Variants in USP35 observed in about 807,000 individuals in gnomAD.
USP35 encodes the protein ubiquitin carboxyl-terminal hydrolase 35.
In USP35, 69 loss-of-function variants were observed where a neutral mutation model predicts 83.8. That is an observed-to-expected ratio of 0.82 (90% CI 0.68 to 1.01). The LOEUF (loss-of-function observed/expected upper bound fraction) is 1.01, where lower values mean the gene tolerates loss of function less well. Ranked by LOEUF, USP35 falls within the 50% of genes least tolerant of loss-of-function variation. USP35 has a pLI of 0.00. For synonymous variants in USP35, 714 were observed against 589.5 expected, an observed-to-expected ratio of 1.21 and a Z score of -3.06; for missense variants, 1,503 against 1,362.5, an observed-to-expected ratio of 1.10 and a Z score of -1.62.
intron 10 of USP35, 49 bp downstream of exon 10, chr11:78,210,793 C>A (rs1863741090): frequency 6.1e-6 from 9 of 1,485,874 alleles, no homozygotes; most frequent in Non-Finnish European, 7.2e-6. Context: ...TGGAGGGAGT[C>A]CAGTCCCACT....
Position 78,207,724 on chromosome 11 carries a change from C to T in USP35, c.1485+101C>T, listed in dbSNP as rs1257095358. 3.5e-5 allele frequency: 42 copies of T among 1,207,660 alleles called. 1 individual carries two copies. Among genetic ancestry groups the T allele is most frequent in the Middle Eastern group, 2.7e-4 (1 of 3,676 alleles). The allele number at this position is 1,207,660 out of a possible 1,614,324, so 74.8% of individuals were successfully genotyped here. ...CCAGGACCTGCCTGCATCTGGCTGT[C>T]ATCTCCCATGTCAGTTGCTGAGCCC... On this transcript the variant is annotated intron_variant, in intron 8 of 10. Transcript: ENST00000529308.
At chr11:78,233,338 T>C in the USP35 span, among the ~76,000 whole-genome samples, 1 of 152,222 alleles carries the variant, frequency 6.6e-6, no homozygotes, top group African/African-American at 2.4e-5. Flanking sequence ...TCTGGCCTGT[T>C]AGCCATTTTT....
At position 78,200,722 on chromosome 11, in the gene USP35, G is replaced by A. The variant is rs1373170098; in HGVS notation, c.1111G>A (p.Glu371Lys). 11 of 1,614,038 alleles carry A rather than the reference G, an allele frequency of 6.8e-6. No homozygotes were observed. The highest frequency in any genetic ancestry group is 9.3e-6 in the Non-Finnish European group (11 of 1,180,022). ...CTCGAACTCGGGGACCAGCTGCCTG[G>A]AGCAGCTGGCGGAGCTGGTCCACTG... is the stretch of plus-strand genomic sequence containing the variant. The part of the protein sequence containing the change: ...EDSNSGTSCL[E>K]QLAELVHCMV... The change falls in exon 6 of 11, where the codon GAG becomes AAG. Residue 371 changes from glutamate (E) to lysine (K), a missense_variant. Transcript: ENST00000529308.
the USP35 span, among the ~76,000 whole-genome samples, chr11:78,229,068 T>C: frequency 6.6e-6 from 1 of 152,148 alleles, no homozygotes; most frequent in Admixed American, 6.5e-5. Context: ...GGGCAGGAGA[T>C]GACATGGATG....
intron 6 of USP35, 118 bp from the exon 7 acceptor site, chr11:78,205,724 G>T (rs1255240857): frequency 1.7e-5 from 19 of 1,089,938 alleles, no homozygotes; most frequent in East Asian, 2.5e-5. Context: ...CTGTGGGGGG[G>T]TGTGCCTGGG....
At chr11:78,226,905 C>T in the USP35 span, 15 of 1,613,890 alleles carry the variant, frequency 9.3e-6, no homozygotes, top group Admixed American at 3.3e-5. Context: ...TGTATTGTGC[C>T]GGCTCGGCTT....
intron 6 of USP35, among the ~76,000 whole-genome samples, chr11:78,204,141 C>T (rs185189715): frequency 2.6e-5 from 4 of 152,218 alleles, no homozygotes; most frequent in Admixed American, 2.6e-4. Context: ...CCGCCCGCCT[C>T]GGCCTCCCAA....
chr11:78,193,598 G>A (rs1251964180), intron 1 of USP35, among the ~76,000 whole-genome samples: 2 of 152,084 alleles, frequency 1.3e-5, no homozygotes, highest in Non-Finnish European at 2.9e-5. Context: ...CCATCTGACT[G>A]GAAGCTCCTT....
rs1863329663 is a variant in USP35 at position 78,200,768 on chromosome 11, G to T, written c.1157G>T (p.Gly386Val). The T allele has an allele frequency of 6.2e-7, 1 of 1,613,928 alleles. No homozygotes were observed. The highest frequency in any genetic ancestry group is 1.7e-5 in the Admixed American group (1 of 59,992). ...LVHCMVFRFP[G>V]FPDLYEPVME... ...CACTGCATGGTGTTCCGGTTCCCGG[G>T]CTTCCCGGATCTGTATGAGCCTGTC... Residue 386 changes from glycine to valine, a missense_variant, in exon 6 of 11, where the codon GGC becomes GTC. Physicochemically the swap from Gly to Val is moderately radical, Grantham distance 109 (BLOSUM62 -3). Transcript: ENST00000529308.
the USP35 span, chr11:78,226,787 G>A: frequency 9.3e-6 from 15 of 1,614,144 alleles, no homozygotes; most frequent in Non-Finnish European, 1.3e-5. Context: ...TGGGCGTCTT[G>A]AAGGTGTACA....
At position 78,208,679 on chromosome 11, in the gene USP35, C is replaced by T. The variant is rs560116339; in HGVS notation, c.1486-178C>T. On this transcript the variant is annotated intron_variant, in intron 8 of 10. Transcript: ENST00000529308. The stretch of plus-strand genomic sequence containing the variant: ...TGCCCTGCTCAGCCCTGCTCAGAGG[C>T]GTGGACATGTGGGCTGGGTTGGGTC... Among the ~76,000 whole-genome samples the T allele has an allele frequency of 3.3e-4, 51 of 152,244 alleles. 1 individual carries two copies. The highest frequency in any genetic ancestry group is 1.1e-3 in the African/African-American group (46 of 41,538).
rs187875894 is a variant in USP35, at chr11:78,201,121, G to C, written c.1197+313G>C. ...TCTCTGCTCTGCCTGGACAGCTCCT[G>C]CTTACCTTGTAAGTCTCTGTTCTAG... On this transcript the variant is annotated intron_variant, in intron 6 of 10. Coordinates refer to ENST00000529308, the MANE Select transcript of USP35 (RefSeq NM_020798.4). 3.6e-4 allele frequency among the ~76,000 whole-genome samples: 55 copies of C among 152,324 alleles called. 1 individual carries two copies. The East Asian group carries it at 0.01, about 28-fold the overall frequency.
rs747312463 is a variant in USP35 at position 78,208,932 on chromosome 11, T to G, written c.1561T>G (p.Cys521Gly). The G allele has an allele frequency of 4.3e-6, 7 of 1,614,174 alleles. No individual in the cohort carries two copies. In the South Asian group the frequency reaches 6.6e-5, roughly 15 times the overall value. Reference protein sequence around the residue: ...PWFSPGTQQDCSEYLKYLLDR... With the variant: ...PWFSPGTQQDGSEYLKYLLDR... ...GTTCAGCCCTGGCACCCAGCAGGAC[T>G]GCTCGGAGTATCTGAAGTACCTGCT... The change falls in exon 9 of 11, where the codon TGC becomes GGC. Residue 521 changes from cysteine (C) to glycine (G), a missense_variant. By Grantham distance (159) the Cys-to-Gly change is radical. Coordinates refer to ENST00000529308, the MANE Select transcript of USP35 (RefSeq NM_020798.4).
Position 78,205,914 on chromosome 11 carries a change from G to A in USP35, c.1270G>A (p.Glu424Lys), listed in dbSNP as rs753532611. The A allele has an allele frequency of 4.3e-5, 70 of 1,614,158 alleles. 1 individual carries two copies. The highest frequency in any genetic ancestry group is 2.6e-4 in the South Asian group (24 of 91,092). ...GQDAWTSQKSELAGFYPRLMA... is the reference protein window; with the variant it reads ...GQDAWTSQKSKLAGFYPRLMA... ...GGATGCCTGGACTTCGCAGAAGAGCGAGCTGGCGGGTTTCTATCCCCGGCT... is the reference window on the plus strand; with the variant it reads ...GGATGCCTGGACTTCGCAGAAGAGCAAGCTGGCGGGTTTCTATCCCCGGCT... The change falls in exon 7 of 11, where the codon GAG (glutamate) becomes AAG (lysine). Residue 424 changes from glutamate to lysine, a missense_variant. Glu to Lys is a moderately conservative substitution (Grantham distance 56). Transcript: ENST00000529308.
At position 78,196,196 on chromosome 11, in the gene USP35, G is replaced by A. The variant is rs1379201972; in HGVS notation, c.-10-40G>A. On this transcript the variant is annotated intron_variant, in intron 1 of 10. Transcript: ENST00000529308. This position sits in a 1 kb window ranked among gnomAD's most constrained non-coding sequence, Gnocchi z 4.8. ...ACTGCACCGGGAACTCTTGAGCCCCGCGGTTGTCGGGCTGTGACCTCATTC... is the reference window on the plus strand; with the variant it reads ...ACTGCACCGGGAACTCTTGAGCCCCACGGTTGTCGGGCTGTGACCTCATTC... 1.3e-6 allele frequency: 2 copies of A among 1,538,280 alleles called. No individual in the cohort carries two copies. The highest frequency in any genetic ancestry group is 1.4e-5 in the African/African-American group (1 of 70,296).
chr11:78,233,487 T>C, the USP35 span, among the ~76,000 whole-genome samples: 1 of 152,362 alleles, frequency 6.6e-6, no homozygotes, highest in Admixed American at 6.5e-5. Flanking sequence ...TCACATTTTT[T>C]GCCCATTAAA....
chr11:78,233,017 T>G, the USP35 span, among the ~76,000 whole-genome samples: 1 of 151,548 alleles, frequency 6.6e-6, no homozygotes, highest in Non-Finnish European at 1.5e-5. Flanking sequence ...ATTCATATAC[T>G]TACCAATACC....
rs771350703 is a variant in USP35 at position 78,196,405 on chromosome 11, G to C, written c.160G>C (p.Glu54Gln). 7.4e-7 allele frequency: 1 copy of C among 1,348,972 alleles called. No individual in the cohort carries two copies. The highest frequency in any genetic ancestry group is 9.5e-7 in the Non-Finnish European group (1 of 1,057,080). 83.6% of individuals were successfully genotyped at this position (1,348,972 alleles called of 1,614,324 possible). Reference sequence around the variant, plus strand: ...CGCGCGCCTCTACGTGGGCGGCGCGGAGGAGCTGCCGCGCCGCGTGGGCTG... The same window carrying C: ...CGCGCGCCTCTACGTGGGCGGCGCGCAGGAGCTGCCGCGCCGCGTGGGCTG... ...LGARLYVGGA[E>Q]ELPRRVGCQL... is the part of the protein sequence containing the mutation. The change falls in exon 2 of 11, where the codon GAG becomes CAG. Residue 54 changes from glutamate to glutamine, a missense_variant. Glu to Gln is a conservative substitution (Grantham distance 29). Coordinates refer to ENST00000529308, the MANE Select transcript of USP35 (RefSeq NM_020798.4). The surrounding 1 kb of genome is among the most constrained non-coding windows in gnomAD (Gnocchi z 4.8).
chr11:78,189,460 G>A (rs1250318097), intron 1 of USP35, among the ~76,000 whole-genome samples: 2 of 152,194 alleles, frequency 1.3e-5, no homozygotes, highest in Admixed American at 6.5e-5. Context: ...CAGCTCAAGC[G>A]TGGGCTGGGC....
Sources: gnomAD v4.1 joint callset for allele counts (sites outside exome capture counted in the v4.1 genomes callset) on GRCh38, gnomAD v4.1.1 for gene constraint, Gnocchi (gnomAD v3.1) non-coding constraint, MANE v1.5 for transcripts, NCBI Gene and HGNC (gene_info 2026-07-23, HGNC 2026-07-21) for gene names.